The following ERICH6B variants were observed in gnomAD, a reference collection of about 807,000 sequenced individuals.
ERICH6B encodes the protein glutamate rich 6B, also known as glutamate-rich protein 6B.
A neutral mutation model predicts 80.0 loss-of-function variants in ERICH6B; 69 were observed. The observed-to-expected ratio is 0.86, with a 90% CI of 0.71 to 1.05. ERICH6B has a LOEUF of 1.05. Among genes scored for constraint, ERICH6B ranks in the 50% least tolerant of loss-of-function variants. ERICH6B has a pLI of 0.00. For synonymous variants in ERICH6B, 283 were observed against 291.9 expected, an observed-to-expected ratio of 0.97 and a Z score of 0.31; for missense variants, 754 against 796.1, an observed-to-expected ratio of 0.95 and a Z score of 0.64.
intron 2 of ERICH6B, among the ~76,000 whole-genome samples, chr13:45,602,986 A>C (rs1165867717): frequency 1.3e-5 from 2 of 152,228 alleles, no homozygotes; most frequent in Non-Finnish European, 2.9e-5. Context: ...TGCCATCTGC[A>C]AGCTGGAGAA....
chr13:45,596,328 C>T, intron 3 of ERICH6B, 41 bp downstream of exon 3: 1 of 1,515,358 alleles, frequency 6.6e-7, no homozygotes, highest in Non-Finnish European at 8.8e-7. Context: ...CTTTCAGATA[C>T]TTTTCCTCCC....
chr13:45,560,032 ATTGT>A lies in ERICH6B; in HGVS notation c.1407+1333_1407+1336del, dbSNP rs58741386. The stretch of plus-strand genomic sequence containing the variant: ...ATCTCATTTCTTAGGTCCAGTAGTA[ATTGT>A]TTGATAAATTTGGGAGCTCCAATGT... On this transcript the variant is annotated intron_variant, in intron 11 of 14. Transcript: ENST00000298738. 4.3e-3 allele frequency among the ~76,000 whole-genome samples: 650 copies of A among 152,226 alleles called. 6 individuals are homozygous for A. Among genetic ancestry groups the A allele is most frequent in the African/African-American group, 0.015 (612 of 41,522 alleles).
At chr13:45,547,307 C>T (rs1054478177) in intron 13 of ERICH6B, among the ~76,000 whole-genome samples, 5 of 152,180 alleles carry the variant, frequency 3.3e-5, no homozygotes, top group African/African-American at 1.2e-4. Context: ...GCAGATCCTG[C>T]TAGCTTTTAA....
rs28472286 is a variant in ERICH6B, at chr13:45,596,638, T to C, written c.368A>G (p.Glu123Gly). 1 of 1,550,566 alleles carries C rather than the reference T, an allele frequency of 6.4e-7. No homozygotes were observed. The highest frequency in any genetic ancestry group is 8.7e-7 in the Non-Finnish European group (1 of 1,145,846). ...TTCCTTCCCCAGGTACTCTTCCTCC[T>C]CCAGATACCCTTCCTTCCCCAGATA... is the stretch of plus-strand genomic sequence containing the variant. ...EEYLGKEGYLEEEEYLGKEEH... is the reference protein window; with the variant it reads ...EEYLGKEGYLGEEEYLGKEEH... Residue 123 changes from glutamate (E) to glycine (G), a missense_variant, in exon 3 of 15, where the codon GAG becomes GGG. Physicochemically the swap from Glu to Gly is moderately conservative, Grantham distance 98 (BLOSUM62 -2). Coordinates refer to ENST00000298738, the MANE Select transcript of ERICH6B (RefSeq NM_182542.3).
At chr13:45,563,890 G>A (rs1028582077) in intron 9 of ERICH6B, 102 bp from the exon 10 acceptor site, 9 of 1,005,556 alleles carry the variant, frequency 9.0e-6, no homozygotes, top group East Asian at 5.2e-5. Flanking sequence ...AGTCTCTTTC[G>A]CAGGTGGAAA....
At chr13:45,604,374 G>A (rs1295433198) in intron 2 of ERICH6B, among the ~76,000 whole-genome samples, 1 of 152,200 alleles carries the variant, frequency 6.6e-6, no homozygotes, top group Admixed American at 6.5e-5. Flanking sequence ...GAAAGCCCCG[G>A]GGATGCTGCG....
chr13:45,568,733 T>C (rs1875029493), intron 8 of ERICH6B, among the ~76,000 whole-genome samples: 1 of 152,146 alleles, frequency 6.6e-6, no homozygotes, highest in Admixed American at 6.5e-5. Flanking sequence ...AATTTAAAAG[T>C]TGAAGATAAA....
At chr13:45,585,690 G>A (rs1875869778) in intron 5 of ERICH6B, among the ~76,000 whole-genome samples, 1 of 152,150 alleles carries the variant, frequency 6.6e-6, no homozygotes, top group East Asian at 1.9e-4. Context: ...CATTTCCTGT[G>A]GGTGGTCAGA....
intron 2 of ERICH6B, among the ~76,000 whole-genome samples, chr13:45,602,377 A>G (rs1262369805): frequency 6.6e-6 from 1 of 152,220 alleles, no homozygotes; most frequent in Admixed American, 6.5e-5. Flanking sequence ...TGTTATCTAT[A>G]AATGTAAGAT....
chr13:45,544,950 G>C lies in ERICH6B; in HGVS notation c.1682C>G (p.Pro561Arg), dbSNP rs569722960. 1.3e-6 allele frequency: 2 copies of C among 1,551,332 alleles called. No homozygotes were observed. The highest frequency in any genetic ancestry group is 4.9e-5 in the East Asian group (2 of 40,920). Residue 561 changes from proline (P) to arginine (R), a missense_variant, in exon 14 of 15, where the codon CCC becomes CGC. Physicochemically the swap from Pro to Arg is moderately radical, Grantham distance 103. Transcript: ENST00000298738. ...CCAGGCCTTCTGGCGTTTGTCTTTGGGGAAGTAGTAGCCCAGGTTGGAGCT... is the reference window on the plus strand; with the variant it reads ...CCAGGCCTTCTGGCGTTTGTCTTTGCGGAAGTAGTAGCCCAGGTTGGAGCT... Reference protein sequence around the residue: ...NLSSNLGYYFPKDKRQKAWNW... With the variant: ...NLSSNLGYYFRKDKRQKAWNW...
At chr13:45,607,878 G>A (rs1403168521) in intron 1 of ERICH6B, among the ~76,000 whole-genome samples, 4 of 152,078 alleles carry the variant, frequency 2.6e-5, no homozygotes, top group Non-Finnish European at 5.9e-5. Context: ...CAATCTGTGC[G>A]CCAAGGCTCC....
chr13:45,599,362 T>C (rs968930069), intron 2 of ERICH6B, among the ~76,000 whole-genome samples: 25 of 152,314 alleles, frequency 1.6e-4, no homozygotes, highest in African/African-American at 4.8e-4. Flanking sequence ...TGAAGCATTT[T>C]GTGTTGGGTG....
rs997466438 is a variant in ERICH6B, at chr13:45,587,223, G to A, written c.696C>T (p.Asp232=). 21 of 1,551,482 alleles carry A rather than the reference G, an allele frequency of 1.4e-5. No homozygotes were observed. Among genetic ancestry groups the A allele is most frequent in the East Asian group, 4.9e-5 (2 of 40,924 alleles). ...TMLLRDARSP[D]AGPSQVTTFL... ...AGGTGGTCACCTGAGAGGGGCCAGC[G>A]TCTGGACTCCTGTCAGAGGGGAGAA... is the stretch of plus-strand genomic sequence containing the variant. Residue 232 remains aspartate (D), a synonymous_variant, in exon 5 of 15, where the codon GAC becomes GAT. Transcript: ENST00000298738.
rs116237196 is a variant in ERICH6B at position 45,573,038 on chromosome 13, C to T, written c.1050+1804G>A. 7.4e-3 allele frequency among the ~76,000 whole-genome samples: 1,119 copies of T among 152,122 alleles called. 13 individuals carry two copies. The highest frequency in any genetic ancestry group is 0.025 in the African/African-American group (1,043 of 41,498). On this transcript the variant is annotated intron_variant, in intron 8 of 14. Coordinates refer to ENST00000298738, the MANE Select transcript of ERICH6B (RefSeq NM_182542.3). ...TTACTGGTAGGGAAATTTGTCAGTG[C>T]TTTTTGAGTTAAGGATGCAGATAGC...
rs547652851 is a variant in ERICH6B at position 45,585,001 on chromosome 13, G to T, written c.856+2062C>A. Among the ~76,000 whole-genome samples, 10 of 152,180 alleles carry T rather than the reference G, an allele frequency of 6.6e-5. 1 individual carries two copies. The South Asian group carries it at 1.9e-3, about 28-fold the overall frequency. On this transcript the variant is annotated intron_variant, in intron 5 of 14. Coordinates refer to ENST00000298738, the MANE Select transcript of ERICH6B (RefSeq NM_182542.3). ...CCTTCCTGGAGTTTTGTGCTTCCTG[G>T]TTCATCTTTGTCGCCATCTTCAGGC...
At position 45,606,547 on chromosome 13, in the gene ERICH6B, ATTTTTTTTTTTT is replaced by A. The variant is rs71074722; in HGVS notation, c.-59+1005_-59+1016del. 6.6e-4 allele frequency among the ~76,000 whole-genome samples: 11 copies of A among 16,612 alleles called. No homozygotes were observed. In the South Asian group the frequency reaches 0.012, roughly 18 times the overall value. 10.9% of individuals were successfully genotyped at this position (16,612 alleles called of 152,430 possible). Reference sequence around the variant, plus strand: ...TATATATATATATATATATATATATATTTTTTTTTTTTTTTTTTTTTTTGGAGACAGAGTCTC... The same window carrying A: ...TATATATATATATATATATATATATATTTTTTTTTTTGGAGACAGAGTCTC... On this transcript the variant is annotated intron_variant, in intron 2 of 14. Transcript: ENST00000298738.
intron 8 of ERICH6B, among the ~76,000 whole-genome samples, chr13:45,573,524 A>G (rs1277668454): frequency 6.6e-6 from 1 of 152,206 alleles, no homozygotes; most frequent in Non-Finnish European, 1.5e-5. Context: ...ACAGTGTAAA[A>G]GCTAGACAAT....
rs149390429 is a variant in ERICH6B, at chr13:45,566,992, G to C, written c.1187+1323C>G. ...CAGAGCTGCCCAAGACCATGGGAAC[G>C]CACCTCTTGCATTAGCATGACCTGG... is the stretch of plus-strand genomic sequence containing the variant. On this transcript the variant is annotated intron_variant, in intron 9 of 14. Coordinates refer to ENST00000298738, the MANE Select transcript of ERICH6B (RefSeq NM_182542.3). 7.4e-3 allele frequency among the ~76,000 whole-genome samples: 1,120 copies of C among 152,340 alleles called. 13 individuals carry two copies. Among genetic ancestry groups the C allele is most frequent in the African/African-American group, 0.025 (1,043 of 41,578 alleles).
chr13:45,579,586 T>C (rs1206163736), intron 7 of ERICH6B, among the ~76,000 whole-genome samples: 1 of 152,212 alleles, frequency 6.6e-6, no homozygotes, highest in African/African-American at 2.4e-5. Context: ...CATAGGACCC[T>C]GAGTCTATCT....
Sources: gnomAD v4.1 joint callset for allele counts (sites outside exome capture counted in the v4.1 genomes callset) on GRCh38, gnomAD v4.1.1 for gene constraint, MANE v1.5 for transcripts, NCBI Gene and HGNC (gene_info 2026-07-23, HGNC 2026-07-21) for gene names.